The following TYMS variants were observed in gnomAD, a reference collection of about 807,000 sequenced individuals.
TYMS encodes the protein thymidylate synthase.
A neutral mutation model predicts 39.3 loss-of-function variants in TYMS; 21 were observed. That is an observed-to-expected ratio of 0.54 (90% CI 0.38 to 0.77). TYMS has a LOEUF of 0.77. Ranked by LOEUF, TYMS falls within the 30% of genes least tolerant of loss-of-function variation. TYMS has a pLI of 0.00. For synonymous variants in TYMS, 171 were observed against 162.2 expected (o/e 1.05, Z -0.41); for missense variants, 273 against 406.7 (o/e 0.67, Z 2.83).
At chr18:670,104 T>G (rs1134338) in intron 4 of TYMS, among the ~76,000 whole-genome samples, 1 of 151,378 alleles carries the variant, frequency 6.6e-6, no homozygotes, top group East Asian at 1.9e-4. Context: ...AGTGCAGTGG[T>G]GTGATCTCCG....
rs113332517 is a variant in TYMS at position 660,448 on chromosome 18, G to C, written c.279+734G>C. 6.6e-6 allele frequency among the ~76,000 whole-genome samples: 1 copy of C among 152,170 alleles called. No individual in the cohort carries two copies. Among genetic ancestry groups the C allele is most frequent in the African/African-American group, 2.4e-5 (1 of 41,400 alleles). Reference sequence around the variant, plus strand: ...TTCCCCTGTTAGAAGGGGGACAGCAGGTAGTAAAAGTGAAATGTGCTGTAA... The same window carrying C: ...TTCCCCTGTTAGAAGGGGGACAGCACGTAGTAAAAGTGAAATGTGCTGTAA... On this transcript the variant is annotated intron_variant, in intron 2 of 6. Coordinates refer to ENST00000323274, the MANE Select transcript of TYMS (RefSeq NM_001071.4). The surrounding 1 kb of genome is among the most constrained non-coding windows in gnomAD (Gnocchi z 4.6).
intron 3 of TYMS, among the ~76,000 whole-genome samples, chr18:666,975 A>C (rs375198236): frequency 6.7e-4 from 10 of 14,990 alleles, no homozygotes; most frequent in African/African-American, 4.8e-3. Flanking sequence ...ATGGTGATGG[A>C]GATGGAGATG....
chr18:668,407 C>A (rs527625652), intron 3 of TYMS, among the ~76,000 whole-genome samples: 1 of 152,260 alleles, frequency 6.6e-6, no homozygotes. Context: ...GCTTCCAGTT[C>A]CATCTCAGAA....
intron 4 of TYMS, 133 bp downstream of exon 4, chr18:669,306 G>A (rs549946502): frequency 7.7e-5 from 49 of 633,228 alleles, no homozygotes; most frequent in Admixed American, 4.0e-4. Context: ...ATTGTGTGAC[G>A]TTGGGCAAGT....
chr18:668,967 A>AG (rs928270168), intron 3 of TYMS, 105 bp from the exon 4 acceptor site: 11 of 926,170 alleles, frequency 1.2e-5, no homozygotes, highest in African/African-American at 3.3e-5. Flanking sequence ...CCATGGGTCA[A>AG]GGGGGGACCC....
intron 3 of TYMS, among the ~76,000 whole-genome samples, chr18:666,235 G>A (rs1261174533): frequency 2.6e-5 from 4 of 151,450 alleles, no homozygotes; most frequent in African/African-American, 4.9e-5. Context: ...CTGCATGGTT[G>A]GTGTTCGTGC....
Position 673,156 on chromosome 18 carries a change from ATG to A in TYMS, c.*161_*162del. ...TTTTTAAGGATGTTGCCACTGGCAA[ATG>A]TAACTGTGCCAGTTCTTTCCATAAT... On this transcript the variant is annotated 3_prime_UTR_variant, in exon 7 of 7. Transcript: ENST00000323274. 1.4e-6 allele frequency: 1 copy of A among 728,084 alleles called. No individual in the cohort carries two copies. The highest frequency in any genetic ancestry group is 2.1e-6 in the Non-Finnish European group (1 of 482,272). 45.1% of individuals were successfully genotyped at this position (728,084 alleles called of 1,614,324 possible).
intron 2 of TYMS, among the ~76,000 whole-genome samples, chr18:661,885 T>C (rs777034472): frequency 6.6e-6 from 1 of 152,232 alleles, no homozygotes; most frequent in Non-Finnish European, 1.5e-5. Context: ...CTCGGGAGGC[T>C]GAGGCAGGGG....
Position 662,010 on chromosome 18 carries a change from A to G in TYMS, c.280-136A>G, listed in dbSNP as rs1263080347. On this transcript the variant is annotated intron_variant, in intron 2 of 6. Transcript: ENST00000323274. The stretch of plus-strand genomic sequence containing the variant: ...AAACAAAAAAAAGGATGGGTTCCAT[A>G]TGGGTGGTGTCAAGTGCCCACCTCC... 18 of 855,424 alleles carry G rather than the reference A, an allele frequency of 2.1e-5. No homozygotes were observed. In the East Asian group the frequency reaches 3.4e-4, roughly 16 times the overall value. The allele number at this position is 855,424 out of a possible 1,614,324, so 53.0% of individuals were successfully genotyped here. A position where few individuals can be genotyped will look rare whatever the true frequency, so the allele number is the denominator to read the frequency against.
chr18:670,789 C>T lies in TYMS; in HGVS notation c.654C>T (p.Asp218=), dbSNP rs1158595178. Residue 218 remains aspartate, a synonymous_variant, in exon 5 of 7, where the codon GAC becomes GAT. Coordinates refer to ENST00000323274, the MANE Select transcript of TYMS (RefSeq NM_001071.4). ...GCCAGCTGTACCAGAGATCGGGAGA[C>T]ATGGGCCTCGGTGTGCCTTTCAACA... is the stretch of plus-strand genomic sequence containing the variant. ...LSCQLYQRSG[D]MGLGVPFNIA... is the part of the protein sequence containing the mutation. 11 of 1,614,138 alleles carry T rather than the reference C, an allele frequency of 6.8e-6. No homozygotes were observed. In the East Asian group the frequency reaches 2.2e-4, roughly 33 times the overall value.
At chr18:671,657 G>A (rs2075056632) in intron 6 of TYMS, 5 of 592,596 alleles carry the variant, frequency 8.4e-6, no homozygotes. Context: ...CATGTCAGGT[G>A]CTGTGAGGTA....
intron 3 of TYMS, among the ~76,000 whole-genome samples, chr18:666,093 C>G (rs1207997114): frequency 5.6e-5 from 6 of 106,388 alleles, no homozygotes; most frequent in Non-Finnish European, 1.1e-4. Context: ...TCTCGTTGAT[C>G]TGTCTAATGT....
intron 3 of TYMS, among the ~76,000 whole-genome samples, chr18:666,915 T>TGATGGTGATGGTGATGGA (rs1567989412): frequency 1.7e-5 from 1 of 59,500 alleles, no homozygotes. Context: ...ATGGTGATGG[T>TGATGGTGATGGTGATGGA]GATGGAGATG....
chr18:669,351 G>C, intron 4 of TYMS, 178 bp downstream of exon 4: 2 of 507,932 alleles, frequency 3.9e-6, no homozygotes. Context: ...CAGATCATGA[G>C]GTTGGGCCCA....
In TYMS at chr18:660,022, C is replaced by G. The variant is rs892960637; in HGVS notation, c.279+308C>G. On this transcript the variant is annotated intron_variant, in intron 2 of 6. Coordinates refer to ENST00000323274, the MANE Select transcript of TYMS (RefSeq NM_001071.4). This position sits in a 1 kb window ranked among gnomAD's most constrained non-coding sequence, Gnocchi z 4.6. Reference sequence around the variant, plus strand: ...GGCGGAGGTTGTAGTGAGCTGAGATCGTGGCACTGTACTCCAGCCTGGGCG... The same window carrying G: ...GGCGGAGGTTGTAGTGAGCTGAGATGGTGGCACTGTACTCCAGCCTGGGCG... Among the ~76,000 whole-genome samples the G allele has an allele frequency of 6.6e-6, 1 of 152,142 alleles. No homozygotes were observed. The highest frequency in any genetic ancestry group is 2.4e-5 in the African/African-American group (1 of 41,416).
chr18:659,289 A>G lies in TYMS; in HGVS notation c.206-352A>G, dbSNP rs550229095. On this transcript the variant is annotated intron_variant, in intron 1 of 6. Coordinates refer to ENST00000323274, the MANE Select transcript of TYMS (RefSeq NM_001071.4). ...GCCTCCCTTTTTGTTCCTGGGACAC[A>G]TGCTTGGTGTTGTCTTCACACCTTT... Among the ~76,000 whole-genome samples, 5 of 152,122 alleles carry G rather than the reference A, an allele frequency of 3.3e-5. No homozygotes were observed. In the South Asian group the frequency reaches 8.3e-4, roughly 25 times the overall value.
rs562661108 is a variant in TYMS, at chr18:666,887, C to T, written c.455-2185C>T. ...TTTTGTTAGGGATGACGAAAAAGTTCGGGAGATGGTGATGGAGATGGTGAT... is the reference window on the plus strand; with the variant it reads ...TTTTGTTAGGGATGACGAAAAAGTTTGGGAGATGGTGATGGAGATGGTGAT... On this transcript the variant is annotated intron_variant, in intron 3 of 6. Coordinates refer to ENST00000323274, the MANE Select transcript of TYMS (RefSeq NM_001071.4). Among the ~76,000 whole-genome samples, 4 of 122,630 alleles carry T rather than the reference C, an allele frequency of 3.3e-5. 1 individual carries two copies. The highest frequency in any genetic ancestry group is 7.7e-5 in the African/African-American group (2 of 26,008). 80.5% of individuals were successfully genotyped at this position (122,630 alleles called of 152,430 possible). A position where few individuals can be genotyped will look rare whatever the true frequency, so the allele number is the denominator to read the frequency against.
chr18:669,208 C>G, intron 4 of TYMS, 35 bp downstream of exon 4: 4 of 1,579,226 alleles, frequency 2.5e-6, no homozygotes, highest in Non-Finnish European at 3.5e-6. Context: ...TTTATACTAA[C>G]CATACTCTTA....
At chr18:670,584 G>A in intron 4 of TYMS, 108 bp from the exon 5 acceptor site, 2 of 1,226,944 alleles carry the variant, frequency 1.6e-6, no homozygotes, top group Non-Finnish European at 2.3e-6. Flanking sequence ...TCTCTCTCCT[G>A]GTCTCCACCA....
Sources: allele counts gnomAD v4.1 joint callset (sites outside exome capture counted in the v4.1 genomes callset), GRCh38; gene constraint gnomAD v4.1.1; non-coding constraint Gnocchi (gnomAD v3.1); transcripts MANE v1.5; gene names NCBI Gene and HGNC (gene_info 2026-07-23, HGNC 2026-07-21).